The following STK24 variants were observed in gnomAD, a reference collection of about 807,000 sequenced individuals.
STK24 encodes the protein serine/threonine-protein kinase 24.
In STK24, 21 loss-of-function variants were observed where a neutral mutation model predicts 55.6. The ratio of observed to expected loss-of-function variants is 0.38; its 90% confidence interval spans 0.27 to 0.54. STK24 has a LOEUF of 0.54. Ranked by LOEUF, STK24 falls within the 20% of genes least tolerant of loss-of-function variation. STK24 has a pLI of 0.79. For synonymous variants in STK24, 200 were observed against 215.2 expected, an observed-to-expected ratio of 0.93 and a Z score of 0.62; for missense variants, 383 against 538.4, an observed-to-expected ratio of 0.71 and a Z score of 2.86.
At chr13:98,545,321 C>G (rs1897000763) in intron 1 of STK24, among the ~76,000 whole-genome samples, 1 of 152,238 alleles carries the variant, frequency 6.6e-6, no homozygotes, top group Non-Finnish European at 1.5e-5. Flanking sequence ...GGCAACATCT[C>G]AATTTTTAAC....
intron 1 of STK24, among the ~76,000 whole-genome samples, chr13:98,555,347 C>T (rs1332474297): frequency 1.3e-5 from 2 of 151,996 alleles, no homozygotes; most frequent in African/African-American, 4.8e-5. Flanking sequence ...TTTGGGAGGC[C>T]GAGGCAGGCA....
chr13:98,485,047 T>C (rs1341616313), intron 2 of STK24, among the ~76,000 whole-genome samples: 2 of 151,800 alleles, frequency 1.3e-5, no homozygotes, highest in Admixed American at 1.3e-4. Context: ...AACCAGGGGG[T>C]GGGATATTGC....
At chr13:98,561,166 C>A (rs1376848165) in intron 1 of STK24, among the ~76,000 whole-genome samples, 1 of 152,214 alleles carries the variant, frequency 6.6e-6, no homozygotes, top group African/African-American at 2.4e-5. Context: ...TGGGTATTCT[C>A]ACTTAGCAAC....
chr13:98,455,179 T>A (rs182455619), intron 10 of STK24: 2 of 152,378 alleles, frequency 1.3e-5, no homozygotes, highest in East Asian at 3.9e-4. Context: ...TTAAAAAATG[T>A]ATTGTTGAAA....
rs143599632 is a variant in STK24 at position 98,554,294 on chromosome 13, A to T, written c.42+22451T>A. Among the ~76,000 whole-genome samples the T allele has an allele frequency of 8.5e-5, 13 of 152,342 alleles. No homozygotes were observed. In the East Asian group the frequency reaches 2.5e-3, roughly 29 times the overall value. On this transcript the variant is annotated intron_variant, in intron 1 of 10. Coordinates refer to ENST00000539966, the MANE Select transcript of STK24 (RefSeq NM_001032296.4). ...GAGTCCATACTTCCCAAAGACATTT[A>T]ATACCTACTGCTCTTTACAGAACAG...
intron 5 of STK24, 30 bp downstream of exon 5, chr13:98,474,791 G>A (rs1304159203): frequency 6.4e-7 from 1 of 1,573,680 alleles, no homozygotes; most frequent in Admixed American, 1.9e-5. Context: ...GGCCTCGTGA[G>A]GCACGGCGCC....
intron 1 of STK24, chr13:98,542,873 C>G: frequency 1.0e-6 from 1 of 985,420 alleles, no homozygotes; most frequent in Non-Finnish European, 1.2e-6. Context: ...CAGTTGAAAT[C>G]TAGACCCCCT....
rs1206771939 is a variant in STK24 at position 98,446,030 on chromosome 13, G to A, written c.*7143C>T. The A allele has an allele frequency of 3.1e-5, 33 of 1,066,240 alleles. No homozygotes were observed. Among genetic ancestry groups the A allele is most frequent in the Non-Finnish European group, 4.8e-5 (33 of 691,742 alleles). The allele number at this position is 1,066,240 out of a possible 1,614,324, so 66.0% of individuals were successfully genotyped here. On this transcript the variant is annotated 3_prime_UTR_variant, in exon 11 of 11. Transcript: ENST00000539966. ...CCAGCCCAGGGCCCTGGTGCAGGGA[G>A]AGCTGCTCTCTGTGCCCTCCTGGGG...
intron 3 of STK24, among the ~76,000 whole-genome samples, chr13:98,481,641 A>C (rs1894584412): frequency 6.6e-6 from 1 of 152,230 alleles, no homozygotes; most frequent in African/African-American, 2.4e-5. Flanking sequence ...CCTGTTTCAG[A>C]AAATAAGCTA....
chr13:98,448,377 G>A lies in STK24; in HGVS notation c.*4796C>T. 7.7e-7 allele frequency: 1 copy of A among 1,304,694 alleles called. No individual in the cohort carries two copies. Among genetic ancestry groups the A allele is most frequent in the Non-Finnish European group, 1.1e-6 (1 of 898,712 alleles). The allele number at this position is 1,304,694 out of a possible 1,614,324, so 80.8% of individuals were successfully genotyped here. Reference sequence around the variant, plus strand: ...TCCTGGAAGACGTTTCCTTTCTTCTGTATTAATGAAGCCTGGTAAAATTAA... The same window carrying A: ...TCCTGGAAGACGTTTCCTTTCTTCTATATTAATGAAGCCTGGTAAAATTAA... On this transcript the variant is annotated 3_prime_UTR_variant, in exon 11 of 11. Coordinates refer to ENST00000539966, the MANE Select transcript of STK24 (RefSeq NM_001032296.4).
chr13:98,522,058 C>G (rs570579924), intron 1 of STK24: 4 of 1,388,814 alleles, frequency 2.9e-6, no homozygotes, highest in East Asian at 5.5e-5. Context: ...TGGACCTGCC[C>G]GGTCCTCCCC....
intron 1 of STK24, among the ~76,000 whole-genome samples, chr13:98,555,462 C>T (rs1344797040): frequency 2.6e-5 from 4 of 151,666 alleles, no homozygotes; most frequent in Admixed American, 2.0e-4. Flanking sequence ...GCCTGTAGTC[C>T]CAGCTACTCG....
intron 1 of STK24, among the ~76,000 whole-genome samples, chr13:98,549,536 G>A (rs1594661766): frequency 6.6e-6 from 1 of 152,154 alleles, no homozygotes; most frequent in East Asian, 1.9e-4. Flanking sequence ...TCATAATAGT[G>A]AGTTCCAGCA....
intron 5 of STK24, among the ~76,000 whole-genome samples, chr13:98,472,218 T>G (rs771478974): frequency 2.6e-5 from 4 of 152,204 alleles, no homozygotes; most frequent in Non-Finnish European, 5.9e-5. Context: ...CTGAGAACTT[T>G]GAGACGCAGA....
chr13:98,576,524 C>T (rs950140417), intron 1 of STK24, among the ~76,000 whole-genome samples: 1 of 152,092 alleles, frequency 6.6e-6, no homozygotes, highest in Non-Finnish European at 1.5e-5. Flanking sequence ...GGCCGCGGTT[C>T]CTACGGCTCC....
chr13:98,552,833 C>T (rs1345238329), intron 1 of STK24, among the ~76,000 whole-genome samples: 1 of 152,146 alleles, frequency 6.6e-6, no homozygotes, highest in Non-Finnish European at 1.5e-5. Context: ...TTTCAGGATA[C>T]CCTCACTGAT....
chr13:98,532,574 G>T (rs1180087316), intron 1 of STK24, among the ~76,000 whole-genome samples: 1 of 152,242 alleles, frequency 6.6e-6, no homozygotes, highest in African/African-American at 2.4e-5. Context: ...AGGGTGCTTC[G>T]TGTACGGTGA....
chr13:98,456,504 A>G, intron 10 of STK24: 1 of 516,286 alleles, frequency 1.9e-6, no homozygotes. Flanking sequence ...ACTGCCTCCA[A>G]ACGCCTGCAC....
chr13:98,575,353 ATATTT>A (rs2139475730), intron 1 of STK24, among the ~76,000 whole-genome samples: 1 of 152,190 alleles, frequency 6.6e-6, no homozygotes, highest in East Asian at 1.9e-4. Context: ...GCTTAAATGT[ATATTT>A]ATTTACTGCT....
Sources: allele counts gnomAD v4.1 joint callset (sites outside exome capture counted in the v4.1 genomes callset), GRCh38; gene constraint gnomAD v4.1.1; transcripts MANE v1.5; gene names NCBI Gene and HGNC (gene_info 2026-07-23, HGNC 2026-07-21).